TRPS1: variants seen among roughly 807,000 people sequenced by gnomAD.
TRPS1 encodes transcriptional repressor GATA binding 1.
Under a neutral mutation model 101.2 loss-of-function variants are expected in TRPS1, and 6 were observed. That is an observed-to-expected ratio of 0.06 (90% confidence interval 0.03 to 0.12). The LOEUF (loss-of-function observed/expected upper bound fraction) is 0.12. TRPS1 is among the 10% of genes least tolerant of loss of function. TRPS1 has a pLI of 1.00. For synonymous variants in TRPS1, 578 were observed against 589.8 expected, an observed-to-expected ratio of 0.98 and a Z score of 0.29; for missense variants, 1,363 against 1,567.0, an observed-to-expected ratio of 0.87 and a Z score of 2.20.
chr8:115,646,466 C>A (rs1475761762), intron 1 of TRPS1, among the ~76,000 whole-genome samples: 2 of 152,026 alleles, frequency 1.3e-5, no homozygotes, highest in Admixed American at 6.5e-5. Context: ...ATCTGGAGAA[C>A]AAATAAACTT....
chr8:115,495,789 A>T (rs939251785), intron 5 of TRPS1, among the ~76,000 whole-genome samples: 1 of 152,182 alleles, frequency 6.6e-6, no homozygotes, highest in Non-Finnish European at 1.5e-5. Context: ...CAGGTTACAC[A>T]CAAGTGATAG....
chr8:115,532,128 A>C (rs1816148400), intron 5 of TRPS1, among the ~76,000 whole-genome samples: 1 of 152,190 alleles, frequency 6.6e-6, no homozygotes, highest in South Asian at 2.1e-4. Context: ...AGATTAGATA[A>C]TCAGACCTTG....
intron 3 of TRPS1, among the ~76,000 whole-genome samples, chr8:115,615,152 A>C (rs1469996770): frequency 2.6e-5 from 4 of 152,226 alleles, no homozygotes. Flanking sequence ...GGCCAAAATA[A>C]ATTTAATAGC....
At chr8:115,661,815 A>T (rs1488879019) in intron 1 of TRPS1, 1 of 150,624 alleles carries the variant, frequency 6.6e-6, no homozygotes, top group Non-Finnish European at 1.5e-5. Context: ...ACCACTTACC[A>T]GTAAACAATC....
chr8:115,585,723 T>C (rs1288852450), intron 5 of TRPS1, among the ~76,000 whole-genome samples: 1 of 152,188 alleles, frequency 6.6e-6, no homozygotes, highest in Non-Finnish European at 1.5e-5. Flanking sequence ...TTCTCTTTTT[T>C]TCCCGAAGTT....
intron 1 of TRPS1, among the ~76,000 whole-genome samples, chr8:115,643,792 A>G (rs1818954964): frequency 6.6e-6 from 1 of 152,240 alleles, no homozygotes; most frequent in African/African-American, 2.4e-5. Context: ...GATCCACCAG[A>G]GGAATCACTA....
At chr8:115,572,725 T>C (rs1169656510) in intron 5 of TRPS1, among the ~76,000 whole-genome samples, 1 of 152,204 alleles carries the variant, frequency 6.6e-6, no homozygotes, top group East Asian at 1.9e-4. Flanking sequence ...CGTTTCCAGC[T>C]ATCCATTAGA....
chr8:115,513,608 T>C (rs1417960780), intron 5 of TRPS1, among the ~76,000 whole-genome samples: 3 of 151,654 alleles, frequency 2.0e-5, no homozygotes, highest in South Asian at 2.1e-4. Context: ...GTAATACCCA[T>C]TCATTTACTT....
intron 1 of TRPS1, among the ~76,000 whole-genome samples, chr8:115,634,986 G>A (rs1040768799): frequency 1.3e-5 from 2 of 152,084 alleles, no homozygotes; most frequent in African/African-American, 2.4e-5. Flanking sequence ...CACCAATGTA[G>A]TCCAGGTAAG....
intron 4 of TRPS1, 23 bp downstream of exon 4, chr8:115,603,850 C>A (rs755870779): frequency 6.2e-7 from 1 of 1,613,308 alleles, no homozygotes; most frequent in Non-Finnish European, 8.5e-7. Context: ...ATATTCCTCC[C>A]GACCCCACCC....
chr8:115,626,066 C>T (rs1428595976), intron 1 of TRPS1, among the ~76,000 whole-genome samples: 2 of 151,668 alleles, frequency 1.3e-5, no homozygotes. Context: ...TTATTAATTA[C>T]ACATTTCATG....
chr8:115,580,966 C>G (rs1239075710), intron 5 of TRPS1, among the ~76,000 whole-genome samples: 1 of 152,032 alleles, frequency 6.6e-6, no homozygotes, highest in African/African-American at 2.4e-5. Flanking sequence ...CACTGCAGCA[C>G]TATTGACAAT....
chr8:115,487,301 T>G (rs967009877), intron 5 of TRPS1, among the ~76,000 whole-genome samples: 6 of 152,070 alleles, frequency 3.9e-5, no homozygotes, highest in African/African-American at 1.4e-4. Context: ...TCATTGACAA[T>G]GCACCTGGTT....
intron 1 of TRPS1, among the ~76,000 whole-genome samples, chr8:115,658,851 G>C (rs1412595189): frequency 1.3e-5 from 2 of 151,984 alleles, no homozygotes; most frequent in African/African-American, 4.8e-5. Context: ...ACACAGTGAA[G>C]GTGCAAGATT....
chr8:115,542,234 C>T (rs1304638249), intron 5 of TRPS1, among the ~76,000 whole-genome samples: 5 of 152,210 alleles, frequency 3.3e-5, no homozygotes, highest in Admixed American at 2.6e-4. Flanking sequence ...CAAAAATGCC[C>T]GGTCAGGTTC....
chr8:115,620,661 GT>G lies in TRPS1; in HGVS notation c.38-602del, dbSNP rs1563650129. Among the ~76,000 whole-genome samples the G allele has an allele frequency of 5.9e-5, 9 of 152,342 alleles. No individual in the cohort carries two copies. In the South Asian group the frequency reaches 1.9e-3, roughly 32 times the overall value. On this transcript the variant is annotated intron_variant, in intron 2 of 6. Coordinates refer to ENST00000395715, the MANE Select transcript of TRPS1 (RefSeq NM_014112.5). ...CAGAAACAGCTATGTTATAAACAGA[GT>G]GAAAACTGCCTCATCACTTTCAGGA... is the stretch of plus-strand genomic sequence containing the variant.
At chr8:115,592,664 T>C (rs996137276) in intron 4 of TRPS1, among the ~76,000 whole-genome samples, 1 of 146,150 alleles carries the variant, frequency 6.8e-6, no homozygotes, top group African/African-American at 2.6e-5. Context: ...TGGAGCAATA[T>C]GAACTTTTCA....
At chr8:115,580,234 GA>G (rs10642817) in intron 5 of TRPS1, among the ~76,000 whole-genome samples, 182 of 133,118 alleles carry the variant, frequency 1.4e-3, no homozygotes, top group East Asian at 1.7e-3. Flanking sequence ...AGGGAGAGAA[GA>G]AAAAAAAAAA....
intron 5 of TRPS1, among the ~76,000 whole-genome samples, chr8:115,475,518 A>C (rs1462010265): frequency 2.0e-5 from 3 of 152,064 alleles, no homozygotes; most frequent in African/African-American, 7.2e-5. Context: ...GTTCAGTCTC[A>C]GTAAATGTAT....
Sources: allele counts gnomAD v4.1 joint callset (sites outside exome capture counted in the v4.1 genomes callset), GRCh38; gene constraint gnomAD v4.1.1; transcripts MANE v1.5; gene names NCBI Gene and HGNC (gene_info 2026-07-23, HGNC 2026-07-21).